Variants in CASR observed in about 807,000 individuals in gnomAD.
CASR encodes the protein calcium sensing receptor.
CASR carries 23 observed loss-of-function variants against 69.1 expected under a neutral mutation model. That is an observed-to-expected ratio of 0.33 (90% CI 0.24 to 0.47). CASR has a LOEUF of 0.47. Ranked by LOEUF, CASR falls within the 20% of genes least tolerant of loss-of-function variation. CASR has a pLI of 1.00. For missense variants in CASR, 924 were observed against 1,356.1 expected, an observed-to-expected ratio of 0.68 and a Z score of 5.00; for synonymous variants, 541 against 544.7, an observed-to-expected ratio of 0.99 and a Z score of 0.10.
intron 4 of CASR, among the ~76,000 whole-genome samples, chr3:122,267,622 G>A (rs1576863693): frequency 6.6e-6 from 1 of 152,222 alleles, no homozygotes; most frequent in Non-Finnish European, 1.5e-5. Flanking sequence ...AAGCAGATCA[G>A]TGGTGGCCTA....
intron 4 of CASR, among the ~76,000 whole-genome samples, chr3:122,272,180 G>T (rs975052154): frequency 2.6e-5 from 4 of 151,862 alleles, no homozygotes; most frequent in African/African-American, 9.7e-5. Context: ...TTAAGGAACT[G>T]CCAGACGTTT....
intron 3 of CASR, among the ~76,000 whole-genome samples, chr3:122,258,290 G>T (rs558005679): frequency 6.7e-6 from 1 of 149,126 alleles, no homozygotes; most frequent in African/African-American, 2.5e-5. Flanking sequence ...TTTATTTTTT[G>T]AATGTTTAAT....
Position 122,285,354 on chromosome 3 carries a change from C to A in CASR, c.*163C>A. Reference sequence around the variant, plus strand: ...CATCTTAAATGACAGTGAATTGACCCATGTTCCCTTTAAAATTAAAAAAAA... The same window carrying A: ...CATCTTAAATGACAGTGAATTGACCAATGTTCCCTTTAAAATTAAAAAAAA... On this transcript the variant is annotated 3_prime_UTR_variant, in exon 7 of 7. Transcript: ENST00000639785. The A allele has an allele frequency of 3.2e-6, 2 of 632,400 alleles. No homozygotes were observed. The highest frequency in any genetic ancestry group is 1.9e-5 in the South Asian group (1 of 53,284). 39.2% of individuals were successfully genotyped at this position (632,400 alleles called of 1,614,324 possible). A position where few individuals can be genotyped will look rare whatever the true frequency, so the allele number is the denominator to read the frequency against.
chr3:122,263,599 A>G (rs550510971), intron 4 of CASR, among the ~76,000 whole-genome samples: 5 of 152,358 alleles, frequency 3.3e-5, no homozygotes, highest in African/African-American at 1.2e-4. Flanking sequence ...CAAAAAGCAC[A>G]CAACTTGTAT....
At chr3:122,208,935 C>G (rs761871057) in intron 1 of CASR, among the ~76,000 whole-genome samples, 1 of 152,184 alleles carries the variant, frequency 6.6e-6, no homozygotes, top group Non-Finnish European at 1.5e-5. Context: ...AGTTCACTCT[C>G]AGTCACTAGA....
chr3:122,241,454 C>G (rs2074378685), intron 1 of CASR, among the ~76,000 whole-genome samples: 1 of 151,994 alleles, frequency 6.6e-6, no homozygotes, highest in African/African-American at 2.4e-5. Context: ...TTAATTGAAA[C>G]ATACAACCTA....
At chr3:122,264,219 G>A (rs2074661145) in intron 4 of CASR, among the ~76,000 whole-genome samples, 1 of 152,132 alleles carries the variant, frequency 6.6e-6, no homozygotes, top group Admixed American at 6.5e-5. Context: ...TGTAGTGAGT[G>A]GGTCATGTCA....
At position 122,286,332 on chromosome 3, in the gene CASR, C is replaced by T. The variant is rs1455737396; in HGVS notation, c.*1141C>T. ...AAGCTGAGTGACTGTAGGCAGGGAA[C>T]CTTAACCTCTCTAAGCCACAGCTTC... is the stretch of plus-strand genomic sequence containing the variant. On this transcript the variant is annotated 3_prime_UTR_variant, in exon 7 of 7. Transcript: ENST00000639785. 6.6e-6 allele frequency: 1 copy of T among 152,114 alleles called. No individual in the cohort carries two copies. The highest frequency in any genetic ancestry group is 1.5e-5 in the Non-Finnish European group (1 of 68,022). 9.4% of individuals were successfully genotyped at this position (152,114 alleles called of 1,614,324 possible).
chr3:122,207,541 A>G (rs532534206), intron 1 of CASR, among the ~76,000 whole-genome samples: 1 of 152,266 alleles, frequency 6.6e-6, no homozygotes, highest in South Asian at 2.1e-4. Flanking sequence ...TCACAAACAC[A>G]TGGAAATTAA....
At chr3:122,225,374 G>GAA (rs140457735) in intron 1 of CASR, among the ~76,000 whole-genome samples, 4 of 145,076 alleles carry the variant, frequency 2.8e-5, no homozygotes, top group African/African-American at 5.1e-5. Flanking sequence ...AATTGAACAG[G>GAA]AAAAAAAAAG....
Position 122,254,009 on chromosome 3 carries a change from A to T in CASR, c.-181A>T. 1.5e-6 allele frequency: 1 copy of T among 689,584 alleles called. No individual in the cohort carries two copies. Among genetic ancestry groups the T allele is most frequent in the Non-Finnish European group, 2.6e-6 (1 of 385,838 alleles). The allele number at this position is 689,584 out of a possible 1,614,324, so 42.7% of individuals were successfully genotyped here. ...CAAAGACTCAAGGACCACCCACATT[A>T]CAAGTCTGGATTGAGGAAGGCAGAA... On this transcript the variant is annotated 5_prime_UTR_variant, in exon 2 of 7. Transcript: ENST00000639785.
At chr3:122,206,265 AG>A (rs1224034291) in intron 1 of CASR, among the ~76,000 whole-genome samples, 1 of 83,742 alleles carries the variant, frequency 1.2e-5, no homozygotes, top group African/African-American at 5.8e-5. Context: ...CAGTTTGATG[AG>A]GGTTTTTTTT....
At chr3:122,201,346 G>A (rs992795904) in intron 1 of CASR, among the ~76,000 whole-genome samples, 7 of 152,190 alleles carry the variant, frequency 4.6e-5, no homozygotes, top group African/African-American at 1.7e-4. Context: ...GGATCCCAAG[G>A]CAGAAGAACC....
At chr3:122,241,906 A>G (rs1399854679) in intron 1 of CASR, among the ~76,000 whole-genome samples, 1 of 152,118 alleles carries the variant, frequency 6.6e-6, no homozygotes, top group Non-Finnish European at 1.5e-5. Flanking sequence ...ATACATCATA[A>G]CAACAGAACG....
intron 4 of CASR, among the ~76,000 whole-genome samples, chr3:122,268,727 A>G (rs1447485423): frequency 2.0e-5 from 3 of 152,252 alleles, no homozygotes; most frequent in African/African-American, 7.2e-5. Flanking sequence ...GAATAAACAA[A>G]TGAATAAAGA....
rs768952710 is a variant in CASR, at chr3:122,262,146, G to A, written c.1111G>A (p.Asp371Asn). 4 of 1,614,040 alleles carry A rather than the reference G, an allele frequency of 2.5e-6. No individual in the cohort carries two copies. The highest frequency in any genetic ancestry group is 3.3e-5 in the Admixed American group (2 of 60,008). The change falls in exon 4 of 7, where the codon GAC becomes AAC. Residue 371 changes from aspartate to asparagine, a missense_variant. Physicochemically the swap from Asp to Asn is conservative, Grantham distance 23 (BLOSUM62 1). Transcript: ENST00000639785. ...QEGAKGPLPV[D>N]TFLRGHEESG... ...AGGTGCAAAAGGACCTTTACCTGTG[G>A]ACACCTTTCTGAGAGGTCACGAAGA...
chr3:122,244,870 C>G (rs1475840985), intron 1 of CASR, among the ~76,000 whole-genome samples: 1 of 152,104 alleles, frequency 6.6e-6, no homozygotes. Flanking sequence ...AAATATATTT[C>G]AAAGGATATA....
rs549985826 is a variant in CASR at position 122,234,731 on chromosome 3, G to A, written c.-242-19217G>A. ...TCACTCACTGAGGCTCAGGCTATGT[G>A]GACTAATCCAACTTCAAAGTCAGGT... On this transcript the variant is annotated intron_variant, in intron 1 of 6. Transcript: ENST00000639785. Among the ~76,000 whole-genome samples the A allele has an allele frequency of 1.1e-4, 17 of 152,304 alleles. 1 individual carries two copies. The highest frequency in any genetic ancestry group is 2.4e-5 in the African/African-American group (1 of 41,552).
chr3:122,217,108 A>ATT (rs34569113), intron 1 of CASR, among the ~76,000 whole-genome samples: 1,640 of 146,864 alleles, frequency 0.011, 10 homozygotes, highest in Non-Finnish European at 0.014. Context: ...GGAAAGTAAA[A>ATT]TTTTTTTTTT....
Sources: gnomAD v4.1 joint callset for allele counts (sites outside exome capture counted in the v4.1 genomes callset) on GRCh38, gnomAD v4.1.1 for gene constraint, MANE v1.5 for transcripts, NCBI Gene and HGNC (gene_info 2026-07-23, HGNC 2026-07-21) for gene names.